Variants in INPP5A observed in about 807,000 individuals in gnomAD.
INPP5A encodes the protein 43 kDa inositol polyphosphate 5-phophatase.
In INPP5A, 14 loss-of-function variants were observed where a neutral mutation model predicts 65.2. That is an observed-to-expected ratio of 0.21 (90% CI 0.14 to 0.34). The LOEUF is 0.34. INPP5A is among the 10% of genes least tolerant of loss of function. The pLI is 1.00. For synonymous variants in INPP5A, 207 were observed against 208.3 expected (o/e 0.99, Z 0.05); for missense variants, 431 against 545.6 (o/e 0.79, Z 2.09).
intron 3 of INPP5A, among the ~76,000 whole-genome samples, 173 bp downstream of exon 3, chr10:132,646,141 C>T (rs1032950166): frequency 6.6e-6 from 1 of 152,182 alleles, no homozygotes; most frequent in African/African-American, 2.4e-5. Context: ...CGTGTGGCCA[C>T]GAGCCTCCTT....
chr10:132,547,409 G>A lies in INPP5A; in HGVS notation c.75+9238G>A, dbSNP rs568326657. Among the ~76,000 whole-genome samples, 7 of 152,308 alleles carry A rather than the reference G, an allele frequency of 4.6e-5. No homozygotes were observed. Among genetic ancestry groups the A allele is most frequent in the South Asian group, 2.1e-4 (1 of 4,826 alleles). Reference sequence around the variant, plus strand: ...AACAGCCTGGCCTTTGCTTCTGTCCGGGGCGCGTGGCCCAGGCTGAGCAGT... The same window carrying A: ...AACAGCCTGGCCTTTGCTTCTGTCCAGGGCGCGTGGCCCAGGCTGAGCAGT... On this transcript the variant is annotated intron_variant, in intron 1 of 15. Transcript: ENST00000368594. This position sits in a 1 kb window ranked among gnomAD's most constrained non-coding sequence, Gnocchi z 5.5.
At chr10:132,760,001 G>A (rs967069709) in intron 11 of INPP5A, among the ~76,000 whole-genome samples, 3 of 152,196 alleles carry the variant, frequency 2.0e-5, no homozygotes. Flanking sequence ...CAGACCCCAC[G>A]CCGTGGACCC....
At chr10:132,634,267 G>T (rs1345025597) in intron 2 of INPP5A, among the ~76,000 whole-genome samples, 1 of 148,610 alleles carries the variant, frequency 6.7e-6, no homozygotes, top group Non-Finnish European at 1.5e-5. Context: ...TCCCTTGGCA[G>T]GTGTGCCCCG....
chr10:132,556,328 C>T (rs1035331323), intron 1 of INPP5A, among the ~76,000 whole-genome samples: 1 of 152,170 alleles, frequency 6.6e-6, no homozygotes, highest in Non-Finnish European at 1.5e-5. Context: ...AGGCTGTTTC[C>T]TGTTCGGCTG....
At chr10:132,652,325 G>A (rs2072588471) in intron 4 of INPP5A, among the ~76,000 whole-genome samples, 2 of 152,232 alleles carry the variant, frequency 1.3e-5, no homozygotes, top group Admixed American at 1.3e-4. Flanking sequence ...AGAAATCACT[G>A]TGAAATACCA....
Position 132,538,046 on chromosome 10 carries a change from A to G in INPP5A, c.-51A>G, listed in dbSNP as rs2070861910. The G allele has an allele frequency of 1.1e-6, 1 of 932,148 alleles. No homozygotes were observed. Among genetic ancestry groups the G allele is most frequent in the Non-Finnish European group, 1.3e-6 (1 of 777,782 alleles). 57.7% of individuals were successfully genotyped at this position (932,148 alleles called of 1,614,324 possible). A position where few individuals can be genotyped will look rare whatever the true frequency, so the allele number is the denominator to read the frequency against. On this transcript the variant is annotated 5_prime_UTR_variant, in exon 1 of 16. Transcript: ENST00000368594. This position sits in a 1 kb window ranked among gnomAD's most constrained non-coding sequence, Gnocchi z 4.1. ...ACCCCGGCCGGCCGGTCCCGGAGGAAGCGGCCGCCGCCGCCGCCGCCCAGC... is the reference window on the plus strand; with the variant it reads ...ACCCCGGCCGGCCGGTCCCGGAGGAGGCGGCCGCCGCCGCCGCCGCCCAGC...
intron 2 of INPP5A, among the ~76,000 whole-genome samples, chr10:132,623,066 C>G (rs1280383212): frequency 2.6e-5 from 4 of 151,978 alleles, no homozygotes; most frequent in African/African-American, 9.7e-5. Context: ...TAATTCCCCA[C>G]TAACCAATCT....
chr10:132,615,024 C>T (rs990943705), intron 2 of INPP5A, among the ~76,000 whole-genome samples: 4 of 152,230 alleles, frequency 2.6e-5, no homozygotes, highest in Admixed American at 6.5e-5. Flanking sequence ...CTTCCCGTGA[C>T]GCGTCCAGCG....
chr10:132,705,115 A>C lies in INPP5A; in HGVS notation c.475-3198A>C, dbSNP rs1845513771. Among the ~76,000 whole-genome samples, 2 of 152,168 alleles carry C rather than the reference A, an allele frequency of 1.3e-5. No homozygotes were observed. The highest frequency in any genetic ancestry group is 4.8e-5 in the African/African-American group (2 of 41,450). On this transcript the variant is annotated intron_variant, in intron 6 of 15. Coordinates refer to ENST00000368594, the MANE Select transcript of INPP5A (RefSeq NM_005539.5). This position sits in a 1 kb window ranked among gnomAD's most constrained non-coding sequence, Gnocchi z 4.9. Reference sequence around the variant, plus strand: ...TCCCAGCTGCACCGTTGGTGGGAGCATGGAGCCCGCTGTGGGGCATCAGCA... The same window carrying C: ...TCCCAGCTGCACCGTTGGTGGGAGCCTGGAGCCCGCTGTGGGGCATCAGCA...
chr10:132,692,257 A>C (rs1845280906), intron 5 of INPP5A, among the ~76,000 whole-genome samples: 1 of 152,168 alleles, frequency 6.6e-6, no homozygotes, highest in South Asian at 2.1e-4. Context: ...AGAAGAAATG[A>C]GAATAAATTT....
chr10:132,591,454 C>T (rs1049149334), intron 1 of INPP5A, among the ~76,000 whole-genome samples: 1 of 152,248 alleles, frequency 6.6e-6, no homozygotes, highest in African/African-American at 2.4e-5. Flanking sequence ...GTCATGGTCC[C>T]TGGAAACAAG....
At position 132,565,118 on chromosome 10, in the gene INPP5A, T is replaced by G. The variant is rs573690305; in HGVS notation, c.75+26947T>G. On this transcript the variant is annotated intron_variant, in intron 1 of 15. Coordinates refer to ENST00000368594, the MANE Select transcript of INPP5A (RefSeq NM_005539.5). ...TAATTCTTAAAAAAATTTTGTTTTG[T>G]TTTGTTTTCGAGTCAAGGTCTCAGC... 5.9e-5 allele frequency among the ~76,000 whole-genome samples: 9 copies of G among 152,358 alleles called. No individual in the cohort carries two copies. The South Asian group carries it at 6.2e-4, about 11-fold the overall frequency.
At chr10:132,735,902 G>C (rs1846167843) in intron 9 of INPP5A, among the ~76,000 whole-genome samples, 1 of 152,212 alleles carries the variant, frequency 6.6e-6, no homozygotes, top group Non-Finnish European at 1.5e-5. Context: ...GGTGGCAGGA[G>C]GGTTGTAGGG....
intron 1 of INPP5A, among the ~76,000 whole-genome samples, chr10:132,542,098 G>A (rs1277832971): frequency 6.6e-6 from 1 of 152,250 alleles, no homozygotes; most frequent in Non-Finnish European, 1.5e-5. Flanking sequence ...CAGCTGTGGC[G>A]TCCCACCCTT....
chr10:132,539,821 A>G (rs1314965502), intron 1 of INPP5A, among the ~76,000 whole-genome samples: 1 of 152,202 alleles, frequency 6.6e-6, no homozygotes, highest in African/African-American at 2.4e-5. Context: ...GCATGGGTGA[A>G]GTGTTTGATG....
intron 4 of INPP5A, among the ~76,000 whole-genome samples, chr10:132,688,825 AGTGCAAGTGTAAGTGTGCGTGAGTGCGT>A (rs1845199002): frequency 6.6e-6 from 1 of 151,998 alleles, no homozygotes; most frequent in Non-Finnish European, 1.5e-5. Flanking sequence ...TGCATGACTG[AGTGCAAGTGTAAGTGTGCGTGAGTGCGT>A]GTGTGCATGA....
At chr10:132,608,023 G>A in intron 2 of INPP5A, 67 bp downstream of exon 2, 1 of 1,459,922 alleles carries the variant, frequency 6.8e-7, no homozygotes. Flanking sequence ...TTTTGCTTTG[G>A]CATTCCTCCA....
chr10:132,552,067 A>ATG (rs1564913131), intron 1 of INPP5A, among the ~76,000 whole-genome samples: 1 of 152,198 alleles, frequency 6.6e-6, no homozygotes, highest in Non-Finnish European at 1.5e-5. Flanking sequence ...GGGAGCATTT[A>ATG]TGGGCGCATT....
intron 1 of INPP5A, among the ~76,000 whole-genome samples, chr10:132,579,408 T>A (rs1420838748): frequency 6.6e-6 from 1 of 152,038 alleles, no homozygotes; most frequent in Admixed American, 6.5e-5. Context: ...TGAAAGCAGC[T>A]GCACCGGTGG....
Sources: gnomAD v4.1 joint callset for allele counts (sites outside exome capture counted in the v4.1 genomes callset) on GRCh38, gnomAD v4.1.1 for gene constraint, Gnocchi (gnomAD v3.1) non-coding constraint, MANE v1.5 for transcripts, NCBI Gene and HGNC (gene_info 2026-07-23, HGNC 2026-07-21) for gene names.